FRMD4A: variants seen among roughly 807,000 people sequenced by gnomAD.
FRMD4A encodes the protein FERM domain containing 4A.
In FRMD4A, 29 loss-of-function variants were observed where a neutral mutation model predicts 129.1. The ratio of observed to expected loss-of-function variants is 0.22; its 90% CI spans 0.17 to 0.31. FRMD4A has a LOEUF of 0.31. Among genes scored for constraint, FRMD4A ranks in the 10% least tolerant of loss-of-function variants. The probability of loss-of-function intolerance (pLI) is 1.00; values close to 1 mark genes in which losing one functional copy is unlikely to be tolerated. For missense variants in FRMD4A, 1,272 were observed against 1,375.8 expected (o/e 0.92, Z 1.19); for synonymous variants, 634 against 571.6 (o/e 1.11, Z -1.56).
chr10:14,008,153 G>A, intron 2 of FRMD4A: 3 of 1,221,620 alleles, frequency 2.5e-6, no homozygotes, highest in Non-Finnish European at 1.1e-6. Context: ...GAACCACCAT[G>A]GTGTACAGCT....
chr10:14,131,494 A>G (rs1839257458), intron 2 of FRMD4A, among the ~76,000 whole-genome samples: 1 of 150,784 alleles, frequency 6.6e-6, no homozygotes. Flanking sequence ...TGTTCTGGAG[A>G]CTGTCGGGAA....
chr10:13,689,892 A>C lies in FRMD4A; in HGVS notation c.1117+4006T>G, dbSNP rs533407195. The stretch of plus-strand genomic sequence containing the variant: ...ATTCCTAAAACACAGCACATGCAGG[A>C]GTCTTATTAGTATCCTTCACAATTT... On this transcript the variant is annotated intron_variant, in intron 15 of 24. Transcript: ENST00000357447. Among the ~76,000 whole-genome samples, 3 of 151,524 alleles carry C rather than the reference A, an allele frequency of 2.0e-5. No homozygotes were observed. In the South Asian group the frequency reaches 6.2e-4, roughly 31 times the overall value.
chr10:14,220,264 C>T (rs1456892275), intron 2 of FRMD4A, among the ~76,000 whole-genome samples: 2 of 152,238 alleles, frequency 1.3e-5, no homozygotes, highest in Admixed American at 1.3e-4. Context: ...CCAAGTCAAG[C>T]CTCAAAGTGC....
chr10:14,247,229 T>G (rs1434260787), intron 2 of FRMD4A, among the ~76,000 whole-genome samples: 1 of 152,072 alleles, frequency 6.6e-6, no homozygotes, highest in Non-Finnish European at 1.5e-5. Flanking sequence ...TCACCCCGCT[T>G]CCATCCTGGT....
chr10:13,875,958 T>A (rs1304185198), intron 2 of FRMD4A, among the ~76,000 whole-genome samples: 1 of 152,186 alleles, frequency 6.6e-6, no homozygotes, highest in Non-Finnish European at 1.5e-5. Context: ...TAACTTTGCT[T>A]TGGTGGGCAA....
chr10:13,991,063 C>T (rs1473438134), intron 2 of FRMD4A, among the ~76,000 whole-genome samples: 1 of 152,204 alleles, frequency 6.6e-6, no homozygotes, highest in East Asian at 1.9e-4. Context: ...TCTCTGAAAG[C>T]CGCGGTTTTC....
rs10674411 is a variant in FRMD4A, at chr10:14,227,243, C to CT, written c.45+102814dup. Among the ~76,000 whole-genome samples, 609 of 64,092 alleles carry CT rather than the reference C, an allele frequency of 9.5e-3. 116 individuals are homozygous for CT. Among genetic ancestry groups the CT allele is most frequent in the African/African-American group, 0.023 (372 of 16,004 alleles). The allele number at this position is 64,092 out of a possible 152,430, so 42.0% of individuals were successfully genotyped here. On this transcript the variant is annotated intron_variant, in intron 2 of 24. Transcript: ENST00000357447. ...TCCTCCTCCTCCTTCTCTTCTTCTT[C>CT]TTTTTTTTTTTTTTTTTTTTTTTTT...
At chr10:14,171,826 A>G (rs1226669149) in intron 2 of FRMD4A, among the ~76,000 whole-genome samples, 2 of 152,220 alleles carry the variant, frequency 1.3e-5, no homozygotes, top group Non-Finnish European at 2.9e-5. Context: ...CTGACCTATC[A>G]TCATACCAGG....
chr10:13,933,514 C>A (rs1857264), intron 2 of FRMD4A, among the ~76,000 whole-genome samples: 130,689 of 152,116 alleles, frequency 0.86, 56,260 homozygotes, highest in East Asian at 0.99. Context: ...AAGAACCTGG[C>A]CACCCTCCAC....
intron 2 of FRMD4A, among the ~76,000 whole-genome samples, chr10:14,133,419 T>G (rs534162739): frequency 2.0e-5 from 3 of 152,336 alleles, no homozygotes; most frequent in Admixed American, 1.3e-4. Flanking sequence ...GCCATATGTT[T>G]TGAAGGCATT....
intron 2 of FRMD4A, among the ~76,000 whole-genome samples, chr10:14,085,043 G>A (rs764409854): frequency 2.6e-5 from 4 of 152,136 alleles, no homozygotes; most frequent in South Asian, 2.1e-4. Flanking sequence ...CCTCGGGTAC[G>A]CTCTGAATCA....
chr10:14,182,931 G>T (rs1435079792), intron 2 of FRMD4A, among the ~76,000 whole-genome samples: 1 of 152,156 alleles, frequency 6.6e-6, no homozygotes, highest in Admixed American at 6.5e-5. Flanking sequence ...TGCTTCAAGG[G>T]AAATCCTATT....
chr10:13,776,723 A>G (rs575137103), intron 6 of FRMD4A, among the ~76,000 whole-genome samples: 1 of 152,328 alleles, frequency 6.6e-6, no homozygotes, highest in East Asian at 1.9e-4. Context: ...ATTTTAACAT[A>G]CAGTAGGAAC....
At chr10:14,280,903 G>C (rs2132060248) in intron 2 of FRMD4A, among the ~76,000 whole-genome samples, 1 of 148,058 alleles carries the variant, frequency 6.8e-6, no homozygotes, top group East Asian at 2.1e-4. Flanking sequence ...CAATGTGGCT[G>C]TATTTAAAAT....
intron 2 of FRMD4A, among the ~76,000 whole-genome samples, chr10:14,286,826 A>ATGGAGG (rs2132068967): frequency 6.6e-6 from 1 of 152,112 alleles, no homozygotes; most frequent in South Asian, 2.1e-4. Flanking sequence ...AAGGGAGGGG[A>ATGGAGG]TGGAGGGAGA....
At chr10:14,327,371 G>C (rs1020332332) in intron 2 of FRMD4A, among the ~76,000 whole-genome samples, 1 of 152,190 alleles carries the variant, frequency 6.6e-6, no homozygotes, top group Non-Finnish European at 1.5e-5. Context: ...CCCTCGAATT[G>C]GCTATCCTGG....
intron 4 of FRMD4A, among the ~76,000 whole-genome samples, chr10:13,804,714 C>CTTTTTTTTTTTTTT (rs35111872): frequency 7.8e-6 from 1 of 127,738 alleles, no homozygotes; most frequent in African/African-American, 3.0e-5. Context: ...CCAGCTAATT[C>CTTTTTTTTTTTTTT]TTTTTTTTTT....
At chr10:14,041,867 T>G (rs1360097505) in intron 2 of FRMD4A, among the ~76,000 whole-genome samples, 1 of 152,152 alleles carries the variant, frequency 6.6e-6, no homozygotes, top group Non-Finnish European at 1.5e-5. Context: ...CAGAGAAAAC[T>G]CAACTATGCT....
chr10:13,912,277 G>C (rs2094948923), intron 2 of FRMD4A, among the ~76,000 whole-genome samples: 1 of 152,100 alleles, frequency 6.6e-6, no homozygotes, highest in Admixed American at 6.5e-5. Context: ...ACTGCTGGTG[G>C]GACTGTGACA....
Sources: gnomAD v4.1 joint callset for allele counts (sites outside exome capture counted in the v4.1 genomes callset) on GRCh38, gnomAD v4.1.1 for gene constraint, MANE v1.5 for transcripts, NCBI Gene and HGNC (gene_info 2026-07-23, HGNC 2026-07-21) for gene names.